The following WFDC1 variants were observed in gnomAD, a reference collection of about 807,000 sequenced individuals.
WFDC1 encodes WAP four-disulfide core domain 1, also known as WAP four-disulfide core domain protein 1.
WFDC1 carries 39 observed loss-of-function variants against 32.9 expected under a neutral mutation model. That is an observed-to-expected ratio of 1.19 (90% CI 0.92 to 1.55). WFDC1 has a LOEUF of 1.55. Among genes scored for constraint, WFDC1 ranks in the 40% most tolerant of loss-of-function variants. The pLI is 0.00. For missense variants in WFDC1, 386 were observed against 309.5 expected (o/e 1.25, Z -1.85); for synonymous variants, 184 against 137.4 (o/e 1.34, Z -2.37).
intron 3 of WFDC1, chr16:84,318,681 G>T: frequency 3.8e-6 from 1 of 263,150 alleles, no homozygotes; most frequent in African/African-American, 2.1e-5. Flanking sequence ...CTCTAATGAT[G>T]AAGCCTCCCT....
chr16:84,299,118 T>C (rs936330143), intron 1 of WFDC1, among the ~76,000 whole-genome samples: 9 of 152,162 alleles, frequency 5.9e-5, no homozygotes, highest in Admixed American at 5.9e-4. Flanking sequence ...CCCAGCACTT[T>C]GGGAGGCCAA....
At chr16:84,320,829 C>T (rs924796467) in intron 4 of WFDC1, among the ~76,000 whole-genome samples, 2 of 151,764 alleles carry the variant, frequency 1.3e-5, no homozygotes, top group South Asian at 2.1e-4. Flanking sequence ...CCCTATTTGC[C>T]GAAAGTATAC....
chr16:84,301,091 GA>G (rs1482890095), intron 1 of WFDC1, among the ~76,000 whole-genome samples: 1 of 152,126 alleles, frequency 6.6e-6, no homozygotes, highest in Non-Finnish European at 1.5e-5. Flanking sequence ...ACACATGAGG[GA>G]CCAGAGAACA....
chr16:84,317,358 G>C (rs1031981341), intron 2 of WFDC1: 2 of 151,424 alleles, frequency 1.3e-5, no homozygotes, highest in Non-Finnish European at 2.9e-5. Context: ...TAAATAAATA[G>C]AATAAGAACT....
At chr16:84,307,327 C>G (rs1363567367) in intron 1 of WFDC1, among the ~76,000 whole-genome samples, 2 of 152,198 alleles carry the variant, frequency 1.3e-5, no homozygotes, top group African/African-American at 4.8e-5. Context: ...TGAGTGTCAC[C>G]TTGCGTGACA....
intron 1 of WFDC1, among the ~76,000 whole-genome samples, chr16:84,304,342 C>A (rs191848335): frequency 1.3e-4 from 20 of 152,210 alleles, no homozygotes; most frequent in Admixed American, 9.8e-4. Context: ...GATTCTCCTG[C>A]CTCAGCCTCC....
At chr16:84,321,543 C>G (rs533347019) in intron 4 of WFDC1, among the ~76,000 whole-genome samples, 1 of 152,166 alleles carries the variant, frequency 6.6e-6, no homozygotes, top group Non-Finnish European at 1.5e-5. Flanking sequence ...TTTTTCATCC[C>G]CTGATCTTTT....
In WFDC1 at chr16:84,318,479, C is replaced by T. The variant is rs1908096445; in HGVS notation, c.421+124C>T. On this transcript the variant is annotated intron_variant, in intron 3 of 6. Coordinates refer to ENST00000219454, the MANE Select transcript of WFDC1 (RefSeq NM_021197.4). ...TGCACGGGCCCTTCAGCCAAACACT[C>T]AGCCCTCTTTGATCCTCCCCACCCC... 3.4e-6 allele frequency: 3 copies of T among 895,364 alleles called. No homozygotes were observed. In the South Asian group the frequency reaches 4.4e-5, roughly 13 times the overall value. The allele number at this position is 895,364 out of a possible 1,614,324, so 55.5% of individuals were successfully genotyped here. A position where few individuals can be genotyped will look rare whatever the true frequency, so the allele number is the denominator to read the frequency against.
intron 1 of WFDC1, among the ~76,000 whole-genome samples, chr16:84,311,808 G>A (rs1907645028): frequency 6.7e-6 from 1 of 150,144 alleles, no homozygotes. Flanking sequence ...GAAATGCTGG[G>A]ATTATACGCT....
At chr16:84,317,292 CAAAATAAATAAA>C (rs753884818) in intron 2 of WFDC1, 1 of 101,000 alleles carries the variant, frequency 9.9e-6, no homozygotes, top group Admixed American at 1.2e-4. Context: ...GACTCTGTCT[CAAAATAAATAAA>C]TAAATAAATA....
intron 5 of WFDC1, chr16:84,326,106 T>TACCC (rs1908581622): frequency 6.8e-6 from 1 of 147,238 alleles, no homozygotes; most frequent in African/African-American, 2.6e-5. Flanking sequence ...CCCACCCATC[T>TACCC]ATCCATCCAT....
chr16:84,326,751 G>C, intron 5 of WFDC1, 131 bp from the exon 6 acceptor site: 1 of 1,006,648 alleles, frequency 9.9e-7, no homozygotes, highest in Admixed American at 1.8e-5. Flanking sequence ...TGGGGACTGA[G>C]TGACCTCAGC....
chr16:84,316,686 A>T (rs1907968687), intron 2 of WFDC1: 1 of 152,252 alleles, frequency 6.6e-6, no homozygotes, highest in Non-Finnish European at 1.5e-5. Flanking sequence ...ATTTTTAAAA[A>T]TACAGACTTG....
intron 3 of WFDC1, 40 bp from the exon 4 acceptor site, chr16:84,319,391 G>C (rs1258347307): frequency 9.4e-6 from 15 of 1,599,032 alleles, no homozygotes; most frequent in Non-Finnish European, 1.3e-5. Flanking sequence ...CCTGTCCTGG[G>C]AGTCGGCCTT....
intron 6 of WFDC1, chr16:84,328,794 AATACAAAAC>A (rs1908753188): frequency 7.9e-6 from 1 of 126,090 alleles, no homozygotes; most frequent in African/African-American, 2.6e-5. Context: ...TACAAAAAAA[AATACAAAAC>A]TACCCAGGCA....
rs972181327 is a variant in WFDC1, at chr16:84,322,549, C to A, written c.563-1870C>A. 5.3e-5 allele frequency among the ~76,000 whole-genome samples: 8 copies of A among 152,302 alleles called. No homozygotes were observed. The South Asian group carries it at 1.7e-3, about 32-fold the overall frequency. On this transcript the variant is annotated intron_variant, in intron 4 of 6. Transcript: ENST00000219454. ...AACTACCGTTACATTTTCCTTTATG[C>A]TCTCTCCCCACTTATAAATCTACGT...
intron 1 of WFDC1, among the ~76,000 whole-genome samples, chr16:84,304,212 G>C (rs950566417): frequency 6.6e-6 from 1 of 152,132 alleles, no homozygotes; most frequent in Non-Finnish European, 1.5e-5. Flanking sequence ...GAATGGCTTT[G>C]CAAATCTATT....
At position 84,295,069 on chromosome 16, in the gene WFDC1, A is replaced by G; in HGVS notation, c.98A>G (p.Asn33Ser). 1 of 1,614,210 alleles carries G rather than the reference A, an allele frequency of 6.2e-7. No homozygotes were observed. The highest frequency in any genetic ancestry group is 8.5e-7 in the Non-Finnish European group (1 of 1,180,032). ...CTCCTCCACGCCGGCTCTGCCAAGA[A>G]TATCTGGAAACGGGCATTGCCTGCG... is the stretch of plus-strand genomic sequence containing the variant. ...LLLLHAGSAK[N>S]IWKRALPARL... Residue 33 changes from asparagine (N) to serine (S), a missense_variant, in exon 1 of 7, where the codon AAT (asparagine) becomes AGT (serine). Transcript: ENST00000219454.
At chr16:84,309,547 T>C (rs917900429) in intron 1 of WFDC1, among the ~76,000 whole-genome samples, 6 of 151,934 alleles carry the variant, frequency 3.9e-5, no homozygotes, top group Admixed American at 2.6e-4. Context: ...GGGACAGATA[T>C]CAAGTTTCCA....
Sources: allele counts gnomAD v4.1 joint callset (sites outside exome capture counted in the v4.1 genomes callset), GRCh38; gene constraint gnomAD v4.1.1; transcripts MANE v1.5; gene names NCBI Gene and HGNC (gene_info 2026-07-23, HGNC 2026-07-21).